HEATR3: variants seen among roughly 807,000 people sequenced by gnomAD.
HEATR3 encodes the protein HEAT repeat containing 3, also known as HEAT repeat-containing protein 3.
Under a neutral mutation model 72.8 loss-of-function variants are expected in HEATR3, and 56 were observed. The observed-to-expected ratio is 0.77, with a 90% CI of 0.62 to 0.96. The LOEUF (loss-of-function observed/expected upper bound fraction) is 0.96, where lower values mean the gene tolerates loss of function less well. Ranked by LOEUF, HEATR3 falls within the 40% of genes least tolerant of loss-of-function variation. The pLI is 0.00. For missense variants in HEATR3, 747 were observed against 831.4 expected (o/e 0.90, Z 1.25); for synonymous variants, 331 against 318.1 (o/e 1.04, Z -0.43).
chr16:50,083,840 G>T, intron 7 of HEATR3, 97 bp from the exon 8 acceptor site: 6 of 1,068,848 alleles, frequency 5.6e-6, no homozygotes, highest in Non-Finnish European at 8.1e-6. Flanking sequence ...TATTCCAAGC[G>T]CAAAAATCTT....
intron 2 of HEATR3, 23 bp downstream of exon 2, chr16:50,066,562 C>G (rs1320054524): frequency 2.3e-6 from 3 of 1,278,414 alleles, no homozygotes; most frequent in Non-Finnish European, 2.0e-6. Flanking sequence ...GGGTGCGGGG[C>G]GGTGCCCACC....
At chr16:50,072,835 A>G in intron 5 of HEATR3, 121 bp downstream of exon 5, 1 of 668,380 alleles carries the variant, frequency 1.5e-6, no homozygotes, top group Non-Finnish European at 2.7e-6. Context: ...GTGAATGTGT[A>G]GCTCAGCACC....
At chr16:50,081,680 C>T (rs966682023) in intron 7 of HEATR3, among the ~76,000 whole-genome samples, 2 of 152,152 alleles carry the variant, frequency 1.3e-5, no homozygotes, top group East Asian at 3.9e-4. Flanking sequence ...CCACACTATC[C>T]AGTGTCTTCT....
rs930484005 is a variant in HEATR3, at chr16:50,105,354, C to T, written c.*293C>T. The T allele has an allele frequency of 2.0e-5, 6 of 296,640 alleles. No individual in the cohort carries two copies. The highest frequency in any genetic ancestry group is 3.1e-5 in the South Asian group (1 of 32,674). The allele number at this position is 296,640 out of a possible 1,614,324, so 18.4% of individuals were successfully genotyped here. On this transcript the variant is annotated 3_prime_UTR_variant, in exon 15 of 15. Transcript: ENST00000299192. ...GCACATGCCTGTGATCCCAGCTACT[C>T]GGGAGGCTGAGGGAGGAGAGTCGGT...
At chr16:50,083,141 GAA>G (rs77921917) in intron 7 of HEATR3, among the ~76,000 whole-genome samples, 1 of 149,920 alleles carries the variant, frequency 6.7e-6, no homozygotes, top group South Asian at 2.1e-4. Flanking sequence ...CTCTAAGGGG[GAA>G]AAAAAAAGAC....
chr16:50,068,275 C>T (rs2036541039), intron 2 of HEATR3, among the ~76,000 whole-genome samples: 1 of 152,108 alleles, frequency 6.6e-6, no homozygotes, highest in Non-Finnish European at 1.5e-5. Context: ...TCTCAGTAGC[C>T]CCACCTTGCT....
At chr16:50,088,700 G>A (rs2037042392) in intron 11 of HEATR3, among the ~76,000 whole-genome samples, 1 of 152,154 alleles carries the variant, frequency 6.6e-6, no homozygotes, top group Non-Finnish European at 1.5e-5. Flanking sequence ...ATGTCCTGTG[G>A]GGTGGGAGTG....
At chr16:50,079,865 T>C (rs1297531790) in intron 7 of HEATR3, among the ~76,000 whole-genome samples, 1 of 152,190 alleles carries the variant, frequency 6.6e-6, no homozygotes, top group Non-Finnish European at 1.5e-5. Flanking sequence ...AGGCCTACGC[T>C]GAGAACAGTG....
intron 7 of HEATR3, among the ~76,000 whole-genome samples, chr16:50,081,513 G>T (rs1165354563): frequency 6.6e-6 from 1 of 152,092 alleles, no homozygotes; most frequent in Non-Finnish European, 1.5e-5. Flanking sequence ...GCGGTGGTGG[G>T]GCGGGGGGTA....
intron 2 of HEATR3, among the ~76,000 whole-genome samples, chr16:50,068,337 C>G (rs2036542815): frequency 1.3e-5 from 2 of 152,228 alleles, no homozygotes; most frequent in South Asian, 4.1e-4. Context: ...AACGGGGTCT[C>G]CCGCTGTTCC....
In HEATR3 at chr16:50,070,167, T is replaced by C. The variant is rs761033665; in HGVS notation, c.400-11T>C. 2 of 1,408,278 alleles carry C rather than the reference T, an allele frequency of 1.4e-6. No homozygotes were observed. The highest frequency in any genetic ancestry group is 2.0e-6 in the Non-Finnish European group (2 of 1,005,670). 87.2% of individuals were successfully genotyped at this position (1,408,278 alleles called of 1,614,324 possible). Reference sequence around the variant, plus strand: ...AGGAACCAGGGTGCTAATCATGATATTTGGTTACAGTGTAGTGCTGGACTG... The same window carrying C: ...AGGAACCAGGGTGCTAATCATGATACTTGGTTACAGTGTAGTGCTGGACTG... On this transcript the variant is annotated splice_polypyrimidine_tract_variant and intron_variant, in intron 3 of 14. Transcript: ENST00000299192.
intron 13 of HEATR3, 166 bp downstream of exon 13, chr16:50,100,539 A>G (rs553875438): frequency 3.1e-5 from 19 of 607,000 alleles, no homozygotes; most frequent in African/African-American, 3.0e-4. Context: ...TGATCTAACT[A>G]TGTGTATTAA....
At position 50,084,225 on chromosome 16, in the gene HEATR3, G is replaced by A. The variant is rs746728182; in HGVS notation, c.1224G>A (p.Leu408=). 1 of 1,614,094 alleles carries A rather than the reference G, an allele frequency of 6.2e-7. No homozygotes were observed. Residue 408 remains leucine (L), a synonymous_variant, in exon 9 of 15, where the codon CTG becomes CTA. Coordinates refer to ENST00000299192, the MANE Select transcript of HEATR3 (RefSeq NM_182922.4). ...CCTTCAGTGAGTGCGGGGGACAGCT[G>A]TTTTCTCCCCTCTGCCTCTCCCATG... ...ENSFSECGGQ[L]FSPLCLSHEV...
At chr16:50,070,047 T>A in intron 3 of HEATR3, 131 bp from the exon 4 acceptor site, 1 of 500,158 alleles carries the variant, frequency 2.0e-6, no homozygotes. Flanking sequence ...TACTACTGTT[T>A]GTAAGGATTC....
chr16:50,102,544 A>C, intron 14 of HEATR3, 109 bp downstream of exon 14: 2 of 899,428 alleles, frequency 2.2e-6, no homozygotes, highest in Non-Finnish European at 3.4e-6. Context: ...ACGAATCCCC[A>C]TATGTAGCAC....
chr16:50,098,317 A>C (rs2037289939), intron 12 of HEATR3: 1 of 152,140 alleles, frequency 6.6e-6, no homozygotes, highest in Non-Finnish European at 1.5e-5. Context: ...GTGTCACTGA[A>C]GTTGGTATAC....
chr16:50,102,533 G>A, intron 14 of HEATR3, 98 bp downstream of exon 14: 1 of 1,049,834 alleles, frequency 9.5e-7, no homozygotes. Context: ...GCATGTGCAT[G>A]ACGAATCCCC....
intron 7 of HEATR3, 77 bp from the exon 8 acceptor site, chr16:50,083,860 T>C: frequency 7.4e-7 from 1 of 1,350,112 alleles, no homozygotes; most frequent in Non-Finnish European, 1.0e-6. Context: ...TCTAGTAGGC[T>C]TTCACTAAGG....
Position 50,102,415 on chromosome 16 carries a change from C to T in HEATR3, c.1900C>T (p.Gln634Ter), listed in dbSNP as rs765356317. The T allele has an allele frequency of 3.1e-6, 5 of 1,613,376 alleles. No individual in the cohort carries two copies. The highest frequency in any genetic ancestry group is 1.3e-5 in the African/African-American group (1 of 74,940). ...IKLLSALKEF[Q>*]PVFKMKIRKE... ...ATTATTATCTGCTCTGAAAGAATTCCAGCCGGTCTTTAAAATGAAGGTTTG... is the reference window on the plus strand; with the variant it reads ...ATTATTATCTGCTCTGAAAGAATTCTAGCCGGTCTTTAAAATGAAGGTTTG... Residue 634 changes from glutamine to a stop codon, truncating the protein, a stop_gained, in exon 14 of 15, where the codon CAG (glutamine) becomes TAG (stop). Transcript: ENST00000299192. LOFTEE classifies it high-confidence loss of function.
Sources: gnomAD v4.1 joint callset for allele counts (sites outside exome capture counted in the v4.1 genomes callset) on GRCh38, gnomAD v4.1.1 for gene constraint, MANE v1.5 for transcripts, NCBI Gene and HGNC (gene_info 2026-07-23, HGNC 2026-07-21) for gene names.